Variants in NAV1 observed in about 807,000 individuals in gnomAD.
The protein encoded by NAV1 is neuron navigator 1, also known as pore membrane and/or filament interacting like protein 3.
NAV1 carries 18 observed loss-of-function variants against 175.2 expected under a neutral mutation model. The ratio of observed to expected loss-of-function variants is 0.10; its 90% confidence interval spans 0.07 to 0.15. The LOEUF (loss-of-function observed/expected upper bound fraction) is 0.15, where lower values mean the gene tolerates loss of function less well. Ranked by LOEUF, NAV1 falls within the 10% of genes least tolerant of loss-of-function variation. NAV1 has a pLI of 1.00. For synonymous variants in NAV1, 897 were observed against 978.7 expected, an observed-to-expected ratio of 0.92 and a Z score of 1.56; for missense variants, 1,731 against 2,436.6, an observed-to-expected ratio of 0.71 and a Z score of 6.10.
intron 1 of NAV1, among the ~76,000 whole-genome samples, chr1:201,651,764 C>CCCTA (rs2102337894): frequency 6.6e-6 from 1 of 152,172 alleles, no homozygotes; most frequent in East Asian, 1.9e-4. Context: ...GCCTCGATGA[C>CCCTA]CCTACAGAGG....
intron 2 of NAV1, 63 bp downstream of exon 6, chr1:201,712,982 A>T (rs1671975354): frequency 7.6e-7 from 1 of 1,315,636 alleles, no homozygotes; most frequent in Admixed American, 1.7e-5. Context: ...CCCATTCTGG[A>T]GGGCAGGGCC....
At chr1:201,691,635 G>A (rs1025917394) in intron 1 of NAV1, among the ~76,000 whole-genome samples, 2 of 152,248 alleles carry the variant, frequency 1.3e-5, no homozygotes, top group African/African-American at 4.8e-5. Context: ...AGGCAGCCCA[G>A]TCCCTGTTCC....
At chr1:201,779,926 C>T (rs557210932) in intron 3 of NAV1, among the ~76,000 whole-genome samples, 4 of 152,104 alleles carry the variant, frequency 2.6e-5, no homozygotes, top group Non-Finnish European at 5.9e-5. Flanking sequence ...ACTGCATAAA[C>T]GGAGGCTCAA....
At chr1:201,621,332 C>CTTTTT (rs11422175), upstream of NAV1, among the ~76,000 whole-genome samples, 68 of 118,870 alleles carry the variant, frequency 5.7e-4, no homozygotes, top group East Asian at 2.2e-3. Flanking sequence ...TCTTTTCTTT[C>CTTTTT]TTTTTTTTTT....
exon 1 of NAV1, chr1:201,648,800 C>G (rs746643947): frequency 2.0e-4 from 305 of 1,544,568 alleles, no homozygotes; most frequent in Non-Finnish European, 2.5e-4. Context: ...GCATGCTGCC[C>G]AAGCGCGCCA....
chr1:201,545,467 T>C (rs1665639408), intron 1 of NAV1, among the ~76,000 whole-genome samples: 1 of 152,212 alleles, frequency 6.6e-6, no homozygotes, highest in African/African-American at 2.4e-5. Context: ...TCCAGATACA[T>C]GTTGGCCAGG....
Position 201,740,089 on chromosome 1 carries a change from AC to A in NAV1, c.1226+21340del, listed in dbSNP as rs1215111320. ...ATTTCCCCCGCAGGTAAGCGCCCCC[AC>A]CCCCCTGGCCTCACCGCCAGACCGC... On this transcript the variant is annotated intron_variant, in intron 3 of 29. Coordinates refer to ENST00000367296, the Ensembl canonical transcript of NAV1. The surrounding 1 kb of genome is among the most constrained non-coding windows in gnomAD (Gnocchi z 4.7). 1.0e-5 allele frequency: 15 copies of A among 1,437,958 alleles called. No individual in the cohort carries two copies. Among genetic ancestry groups the A allele is most frequent in the South Asian group, 6.1e-5 (4 of 65,964 alleles). 89.1% of individuals were successfully genotyped at this position (1,437,958 alleles called of 1,614,324 possible). A position where few individuals can be genotyped will look rare whatever the true frequency, so the allele number is the denominator to read the frequency against.
chr1:201,741,616 C>A (rs1673427941), intron 3 of NAV1, among the ~76,000 whole-genome samples: 1 of 152,122 alleles, frequency 6.6e-6, no homozygotes, highest in African/African-American at 2.4e-5. Flanking sequence ...TAATTGCCAC[C>A]CAAACAATAT....
intron 1 of NAV1, among the ~76,000 whole-genome samples, chr1:201,567,645 A>G (rs1045093549): frequency 6.6e-6 from 1 of 152,206 alleles, no homozygotes; most frequent in African/African-American, 2.4e-5. Context: ...TGGAACTCAC[A>G]GTGCCCTGGG....
chr1:201,745,124 G>A (rs192011974), intron 3 of NAV1, among the ~76,000 whole-genome samples: 5 of 152,324 alleles, frequency 3.3e-5, no homozygotes, highest in African/African-American at 1.2e-4. Context: ...TTCTTGGGAT[G>A]CTTCAGGAAT....
At position 201,732,695 on chromosome 1, in the gene NAV1, A is replaced by C. The variant is rs549182131; in HGVS notation, c.1226+13940A>C. The stretch of plus-strand genomic sequence containing the variant: ...TGTGATATTTGCTCATACATTCCAC[A>C]AACACTTGTAGACCACTTAATATAT... On this transcript the variant is annotated intron_variant, in intron 3 of 29. Coordinates refer to ENST00000367296, the Ensembl canonical transcript of NAV1. Among the ~76,000 whole-genome samples the C allele has an allele frequency of 3.3e-5, 5 of 152,366 alleles. No homozygotes were observed. In the South Asian group the frequency reaches 1.0e-3, roughly 32 times the overall value.
At chr1:201,621,008 C>T (rs1382749260), upstream of NAV1, among the ~76,000 whole-genome samples, 2 of 152,082 alleles carry the variant, frequency 1.3e-5, no homozygotes, top group Non-Finnish European at 1.5e-5. Context: ...GCAACTTCCA[C>T]CTCCCAGGCT....
At chr1:201,826,207 A>G (rs1679660792) in exon 30 of NAV1, 1 of 152,150 alleles carries the variant, frequency 6.6e-6, no homozygotes, top group Non-Finnish European at 1.5e-5. Flanking sequence ...GTGAGTATAA[A>G]ATAATTCCAC....
At chr1:201,642,337 C>T (rs564362772) in intron 2 of NAV1, among the ~76,000 whole-genome samples, 4 of 151,816 alleles carry the variant, frequency 2.6e-5, no homozygotes, top group Non-Finnish European at 5.9e-5. Context: ...CTCAGCCTCC[C>T]AAGTAGCTGG....
chr1:201,740,243 C>T lies in NAV1; in HGVS notation c.1226+21488C>T, dbSNP rs984712041. 2.6e-5 allele frequency among the ~76,000 whole-genome samples: 4 copies of T among 152,180 alleles called. No homozygotes were observed. Among genetic ancestry groups the T allele is most frequent in the African/African-American group, 7.2e-5 (3 of 41,456 alleles). ...AGGGTCTTGGCCGCGCTCGCTTTTC[C>T]GCCAGAGAGGAGTGCCTGCGCCGCC... On this transcript the variant is annotated intron_variant, in intron 3 of 29. Coordinates refer to ENST00000367296, the Ensembl canonical transcript of NAV1. This position sits in a 1 kb window ranked among gnomAD's most constrained non-coding sequence, Gnocchi z 4.7.
chr1:201,821,864 T>C (rs1679404637), exon 30 of NAV1: 1 of 152,216 alleles, frequency 6.6e-6, no homozygotes, highest in Non-Finnish European at 1.5e-5. Context: ...TTCAGGACTC[T>C]GCAGGTCAAG....
intron 1 of NAV1, among the ~76,000 whole-genome samples, chr1:201,665,705 T>C (rs1669799728): frequency 6.6e-6 from 1 of 151,948 alleles, no homozygotes; most frequent in Non-Finnish European, 1.5e-5. Flanking sequence ...CTGGCTCCTT[T>C]ACTGCAGACA....
chr1:201,810,772 G>A lies in NAV1; in HGVS notation c.4797+14G>A, dbSNP rs769404150. The A allele has an allele frequency of 3.4e-5, 55 of 1,603,506 alleles. No individual in the cohort carries two copies. Among genetic ancestry groups the A allele is most frequent in the African/African-American group, 1.6e-4 (12 of 74,656 alleles). On this transcript the variant is annotated intron_variant, in intron 24 of 29. Transcript: ENST00000367296. The surrounding 1 kb of genome is among the most constrained non-coding windows in gnomAD (Gnocchi z 6.0). ...CAGTCTTGCAAGGTGGCTGCCCCCC[G>A]ACACCCCTGCCAGCCTTTGTTCATG... is the stretch of plus-strand genomic sequence containing the variant.
intron 2 of NAV1, among the ~76,000 whole-genome samples, chr1:201,604,802 G>A (rs529808985): frequency 6.7e-6 from 1 of 150,038 alleles, no homozygotes; most frequent in Admixed American, 6.7e-5. Flanking sequence ...AAGAAGGAAG[G>A]AAGGAAGCCA....
Sources: gnomAD v4.1 joint callset for allele counts (sites outside exome capture counted in the v4.1 genomes callset) on GRCh38, gnomAD v4.1.1 for gene constraint, Gnocchi (gnomAD v3.1) non-coding constraint, MANE v1.5 for transcripts, NCBI Gene and HGNC (gene_info 2026-07-23, HGNC 2026-07-21) for gene names.